RAB38: variants seen among roughly 807,000 people sequenced by gnomAD.
RAB38 encodes the protein ras-related protein Rab-38.
Under a neutral mutation model 18.4 loss-of-function variants are expected in RAB38, and 15 were observed. The observed-to-expected ratio is 0.82, with a 90% CI of 0.55 to 1.26. The LOEUF (loss-of-function observed/expected upper bound fraction) is 1.26, where lower values mean the gene tolerates loss of function less well. Among genes scored for constraint, RAB38 ranks in the 50% most tolerant of loss-of-function variants. The pLI, the probability that RAB38 is intolerant of heterozygous loss-of-function variation, is 0.00. For missense variants in RAB38, 294 were observed against 267.4 expected (o/e 1.10, Z -0.69); for synonymous variants, 101 against 104.4 (o/e 0.97, Z 0.20).
chr11:87,875,823 A>G, the RAB38 span, among the ~76,000 whole-genome samples: 1 of 151,686 alleles, frequency 6.6e-6, no homozygotes, highest in East Asian at 2.0e-4. Flanking sequence ...TTGACCTTCT[A>G]TTCAACAACC....
chr11:88,047,907 A>G, the RAB38 span, among the ~76,000 whole-genome samples: 3 of 152,254 alleles, frequency 2.0e-5, no homozygotes, highest in Admixed American at 1.3e-4. Context: ...ACCAAGGAAA[A>G]TATCTCCTTC....
chr11:87,837,695 T>A, the RAB38 span, among the ~76,000 whole-genome samples: 9 of 152,206 alleles, frequency 5.9e-5, no homozygotes, highest in African/African-American at 2.2e-4. Flanking sequence ...TCTATGTAAC[T>A]GATCTATGTA....
the RAB38 span, among the ~76,000 whole-genome samples, chr11:88,078,612 T>C: frequency 6.6e-6 from 1 of 151,578 alleles, no homozygotes; most frequent in Non-Finnish European, 1.5e-5. Context: ...TTAAGTGAAA[T>C]AAAGCCAAGT....
the RAB38 span, among the ~76,000 whole-genome samples, chr11:87,803,884 G>T: frequency 0.047 from 7,208 of 152,298 alleles, 311 homozygotes; most frequent in Admixed American, 0.14. Context: ...AGGCCCCAAG[G>T]CCTGAGAATA....
chr11:88,086,385 C>A, the RAB38 span, among the ~76,000 whole-genome samples: 2 of 152,006 alleles, frequency 1.3e-5, no homozygotes, highest in South Asian at 4.1e-4. Context: ...ACCACATATT[C>A]TCCTTGGACA....
the RAB38 span, among the ~76,000 whole-genome samples, chr11:87,931,188 A>G: frequency 6.6e-6 from 1 of 152,106 alleles, no homozygotes. Context: ...GATTCTTCCT[A>G]CCCATGAGCA....
the RAB38 span, among the ~76,000 whole-genome samples, chr11:87,837,666 T>C: frequency 6.6e-6 from 1 of 152,206 alleles, no homozygotes; most frequent in South Asian, 2.1e-4. Context: ...ATCATTTTGC[T>C]TATTTTATAC....
chr11:87,873,943 T>TAC, the RAB38 span, among the ~76,000 whole-genome samples: 1 of 143,844 alleles, frequency 7.0e-6, no homozygotes, highest in Admixed American at 7.2e-5. Context: ...TATATATATA[T>TAC]ATATATACTC....
At chr11:87,853,070 A>C in the RAB38 span, among the ~76,000 whole-genome samples, 1 of 152,202 alleles carries the variant, frequency 6.6e-6, no homozygotes, top group Non-Finnish European at 1.5e-5. Context: ...TATGTGTTAT[A>C]GTTGTGATAT....
At chr11:87,845,433 A>G in the RAB38 span, among the ~76,000 whole-genome samples, 1 of 152,178 alleles carries the variant, frequency 6.6e-6, no homozygotes, top group Non-Finnish European at 1.5e-5. Flanking sequence ...TTTAGAACTG[A>G]AAATGCAACA....
At chr11:87,943,954 A>C in the RAB38 span, among the ~76,000 whole-genome samples, 2 of 152,282 alleles carry the variant, frequency 1.3e-5, no homozygotes, top group African/African-American at 4.8e-5. Context: ...GTAGAAATGA[A>C]ATTTCATTCA....
chr11:87,940,179 AAGAG>A, the RAB38 span, among the ~76,000 whole-genome samples: 6 of 151,044 alleles, frequency 4.0e-5, no homozygotes, highest in African/African-American at 7.3e-5. Context: ...AAAAAAAAAA[AAGAG>A]AGAGAGAGGG....
At chr11:88,121,562 C>T (rs896431587) in intron 2 of RAB38, among the ~76,000 whole-genome samples, 2 of 150,450 alleles carry the variant, frequency 1.3e-5, no homozygotes, top group African/African-American at 4.9e-5. Context: ...GCCCCTGCTG[C>T]TCTTTTTTTG....
At chr11:87,950,682 A>ATTCT in the RAB38 span, among the ~76,000 whole-genome samples, 5 of 152,102 alleles carry the variant, frequency 3.3e-5, no homozygotes, top group Non-Finnish European at 7.3e-5. Flanking sequence ...TGGGTTGAAA[A>ATTCT]TTCTTTTCTT....
chr11:87,868,247 A>C, the RAB38 span, among the ~76,000 whole-genome samples: 21 of 151,542 alleles, frequency 1.4e-4, no homozygotes, highest in Non-Finnish European at 2.4e-4. Flanking sequence ...TGGTTCCCAC[A>C]AGAGCTGTTG....
At chr11:88,051,836 A>T in the RAB38 span, among the ~76,000 whole-genome samples, 1 of 152,184 alleles carries the variant, frequency 6.6e-6, no homozygotes, top group Non-Finnish European at 1.5e-5. Context: ...TAATAACTAA[A>T]TAAAGGGCTG....
the RAB38 span, among the ~76,000 whole-genome samples, chr11:87,900,661 T>A: frequency 1.5e-3 from 200 of 131,298 alleles, no homozygotes; most frequent in Non-Finnish European, 2.8e-3. Context: ...GAAAGAAAGG[T>A]AGGAAGGAAG....
chr11:87,960,795 C>T, the RAB38 span, among the ~76,000 whole-genome samples: 92 of 152,252 alleles, frequency 6.0e-4, no homozygotes, highest in African/African-American at 2.1e-3. Context: ...AAAATCTAAC[C>T]TCCTATTGAG....
the RAB38 span, among the ~76,000 whole-genome samples, chr11:87,920,797 C>T: frequency 6.6e-6 from 1 of 152,006 alleles, no homozygotes; most frequent in Admixed American, 6.6e-5. Context: ...TTAATCATTG[C>T]TTTTTATATT....
Sources: gnomAD v4.1 joint callset for allele counts (sites outside exome capture counted in the v4.1 genomes callset) on GRCh38, gnomAD v4.1.1 for gene constraint, MANE v1.5 for transcripts, NCBI Gene and HGNC (gene_info 2026-07-23, HGNC 2026-07-21) for gene names.